Variants in EML6 observed in about 807,000 individuals in gnomAD.
EML6 encodes the protein EMAP like 6.
Under a neutral mutation model 240.1 loss-of-function variants are expected in EML6, and 154 were observed. The observed-to-expected ratio is 0.64, with a 90% confidence interval of 0.56 to 0.73. The LOEUF (loss-of-function observed/expected upper bound fraction) is 0.73. Ranked by LOEUF, EML6 falls within the 30% of genes least tolerant of loss-of-function variation. EML6 has a pLI of 0.00. For synonymous variants in EML6, 1,148 were observed against 899.0 expected (o/e 1.28, Z -4.95); for missense variants, 2,964 against 2,474.6 (o/e 1.20, Z -4.20).
chr2:54,856,003 T>C (rs1282365449), intron 11 of EML6, among the ~76,000 whole-genome samples: 2 of 152,218 alleles, frequency 1.3e-5, no homozygotes, highest in African/African-American at 4.8e-5. Context: ...CATTATTGTT[T>C]TCCATTGTGA....
At chr2:54,942,921 C>T (rs1421078422) in intron 28 of EML6, among the ~76,000 whole-genome samples, 1 of 152,166 alleles carries the variant, frequency 6.6e-6, no homozygotes, top group African/African-American at 2.4e-5. Context: ...ACCCAAATGC[C>T]ATTTCCCAGT....
chr2:54,890,914 T>C, intron 17 of EML6, 140 bp from the exon 18 acceptor site: 1 of 456,392 alleles, frequency 2.2e-6, no homozygotes. Flanking sequence ...TTAATGTAGA[T>C]GCCCGTGTGG....
At chr2:54,847,876 T>C (rs1669855904) in intron 9 of EML6, among the ~76,000 whole-genome samples, 2 of 152,232 alleles carry the variant, frequency 1.3e-5, no homozygotes, top group African/African-American at 4.8e-5. Flanking sequence ...TAGTAATCTC[T>C]TAGTAGAAAT....
intron 16 of EML6, among the ~76,000 whole-genome samples, chr2:54,876,797 A>G (rs913923625): frequency 1.3e-5 from 2 of 152,166 alleles, no homozygotes; most frequent in Admixed American, 6.5e-5. Flanking sequence ...CAGAGTAGCT[A>G]TCACATCCAT....
At chr2:54,813,177 G>C (rs1330173224) in intron 2 of EML6, 55 bp from the exon 3 acceptor site, 9 of 1,252,862 alleles carry the variant, frequency 7.2e-6, no homozygotes, top group Non-Finnish European at 1.0e-5. Flanking sequence ...TGGATAAAAG[G>C]TGATCAGTGT....
At chr2:54,932,147 G>A (rs13422342) in intron 28 of EML6, among the ~76,000 whole-genome samples, 25,066 of 152,134 alleles carry the variant, frequency 0.16, 2,736 homozygotes, top group African/African-American at 0.3. Context: ...GAAATTTACA[G>A]TTGGTCTCAA....
chr2:54,911,179 A>G, intron 25 of EML6, 137 bp downstream of exon 25: 1 of 519,492 alleles, frequency 1.9e-6, no homozygotes, highest in Non-Finnish European at 3.5e-6. Flanking sequence ...CTTCAATCTG[A>G]TTGCTTAATC....
intron 12 of EML6, among the ~76,000 whole-genome samples, chr2:54,862,688 T>G (rs900630034): frequency 1.2e-4 from 18 of 152,066 alleles, no homozygotes; most frequent in Non-Finnish European, 2.4e-4. Flanking sequence ...ACGAGTAAGA[T>G]GAATCCAAAA....
intron 16 of EML6, among the ~76,000 whole-genome samples, chr2:54,874,290 C>A (rs572069085): frequency 6.6e-5 from 10 of 152,266 alleles, no homozygotes; most frequent in African/African-American, 2.4e-4. Flanking sequence ...GCTTAGAAAC[C>A]TTTTTCCCAT....
At chr2:54,758,913 G>GGGTGGTTCATA (rs6146770) in intron 2 of EML6, among the ~76,000 whole-genome samples, 121,442 of 151,060 alleles carry the variant, frequency 0.8, 49,500 homozygotes, top group African/African-American at 0.92. Context: ...CATAAAATAT[G>GGGTGGTTCATA]GGTGGTTCAT....
intron 25 of EML6, 47 bp downstream of exon 25, chr2:54,911,089 AATATGTGC>A (rs1484104258): frequency 1.0e-6 from 1 of 977,144 alleles, no homozygotes; most frequent in East Asian, 2.6e-5. Context: ...GTGAAGATTT[AATATGTGC>A]ATTTTAATAA....
At chr2:54,918,585 A>C (rs144376931) in intron 26 of EML6, among the ~76,000 whole-genome samples, 73 of 152,212 alleles carry the variant, frequency 4.8e-4, no homozygotes, top group African/African-American at 1.7e-3. Flanking sequence ...GGACTCAAAC[A>C]ATCCTCCCAC....
chr2:54,926,694 T>A (rs2104380595), intron 26 of EML6, among the ~76,000 whole-genome samples: 1 of 152,342 alleles, frequency 6.6e-6, no homozygotes, highest in South Asian at 2.1e-4. Context: ...TGATTTTCTT[T>A]CCTATTCTGA....
intron 26 of EML6, among the ~76,000 whole-genome samples, chr2:54,917,358 G>GTTTTTTTTTT (rs147785699): frequency 4.0e-4 from 50 of 123,818 alleles, no homozygotes; most frequent in South Asian, 1.0e-3. Flanking sequence ...TTTTTTTTTT[G>GTTTTTTTTTT]TTTTTTTTTT....
chr2:54,846,744 A>C (rs538955474), intron 8 of EML6, among the ~76,000 whole-genome samples: 1 of 152,010 alleles, frequency 6.6e-6, no homozygotes, highest in Admixed American at 6.6e-5. Context: ...TTGGCCTCCC[A>C]AAGTGCTGGG....
intron 2 of EML6, among the ~76,000 whole-genome samples, chr2:54,769,099 C>G (rs1436364758): frequency 6.6e-6 from 1 of 152,120 alleles, no homozygotes; most frequent in Non-Finnish European, 1.5e-5. Flanking sequence ...TACAGATAAG[C>G]TGGTTGAGAT....
At chr2:54,806,339 G>A (rs571200708) in intron 2 of EML6, among the ~76,000 whole-genome samples, 13 of 152,102 alleles carry the variant, frequency 8.5e-5, no homozygotes, top group African/African-American at 2.2e-4. Flanking sequence ...CTGGCCGGGC[G>A]CGGTGGCTCA....
rs72910809 is a variant in EML6 at position 54,936,045 on chromosome 2, A to G, written c.4004+7294A>G. ...ACCCTGTCCGTGAATGAATGAATCAATGTGTGTTTAAACATCTTGGGCTCA... is the reference window on the plus strand; with the variant it reads ...ACCCTGTCCGTGAATGAATGAATCAGTGTGTGTTTAAACATCTTGGGCTCA... On this transcript the variant is annotated intron_variant, in intron 28 of 41. Transcript: ENST00000356458. Among the ~76,000 whole-genome samples the G allele has an allele frequency of 3.6e-3, 548 of 152,320 alleles. 3 individuals carry two copies. The highest frequency in any genetic ancestry group is 0.013 in the African/African-American group (526 of 41,570).
chr2:54,930,051 C>T (rs13414864), intron 28 of EML6, among the ~76,000 whole-genome samples: 1 of 151,942 alleles, frequency 6.6e-6, no homozygotes, highest in Non-Finnish European at 1.5e-5. Flanking sequence ...ATAATCCAAT[C>T]TAAAAAAATG....
Sources: allele counts gnomAD v4.1 joint callset (sites outside exome capture counted in the v4.1 genomes callset), GRCh38; gene constraint gnomAD v4.1.1; transcripts MANE v1.5; gene names NCBI Gene and HGNC (gene_info 2026-07-23, HGNC 2026-07-21).